Variants in CHSY3 observed in about 807,000 individuals in gnomAD.
CHSY3 encodes N-acetylgalactosaminyl-proteoglycan 3-beta-glucuronosyltransferase 3.
Under a neutral mutation model 67.2 loss-of-function variants are expected in CHSY3, and 35 were observed. That is an observed-to-expected ratio of 0.52 (90% CI 0.40 to 0.69). CHSY3 has a LOEUF of 0.69. CHSY3 is among the 30% of genes least tolerant of loss of function. The pLI is 0.00. For synonymous variants in CHSY3, 474 were observed against 434.7 expected (o/e 1.09, Z -1.12); for missense variants, 1,069 against 1,138.5 (o/e 0.94, Z 0.88).
At chr5:130,018,769 T>A (rs1448873597) in intron 2 of CHSY3, among the ~76,000 whole-genome samples, 1 of 152,186 alleles carries the variant, frequency 6.6e-6, no homozygotes, top group Non-Finnish European at 1.5e-5. Flanking sequence ...AGATGTTGCC[T>A]GGTGGGAGGT....
intron 2 of CHSY3, among the ~76,000 whole-genome samples, chr5:130,127,112 T>A (rs1768318566): frequency 6.6e-6 from 1 of 152,202 alleles, no homozygotes; most frequent in Admixed American, 6.5e-5. Context: ...ACAGCAGCTT[T>A]GTTTTCCAAG....
At chr5:130,003,426 T>A (rs1051409949) in intron 2 of CHSY3, among the ~76,000 whole-genome samples, 10 of 152,296 alleles carry the variant, frequency 6.6e-5, no homozygotes, top group Admixed American at 5.9e-4. Flanking sequence ...GGTGAACTAA[T>A]TTGAAAATAA....
At chr5:130,128,147 AT>A (rs1768354377) in intron 2 of CHSY3, among the ~76,000 whole-genome samples, 1 of 152,068 alleles carries the variant, frequency 6.6e-6, no homozygotes, top group Admixed American at 6.6e-5. Flanking sequence ...AAAAACAAAT[AT>A]ATCTCCTTCA....
intron 2 of CHSY3, among the ~76,000 whole-genome samples, chr5:129,937,256 C>T (rs1260956718): frequency 6.6e-6 from 1 of 152,152 alleles, no homozygotes; most frequent in Non-Finnish European, 1.5e-5. Context: ...GAAGGGGAAG[C>T]AGGCACATCT....
chr5:129,911,237 G>A lies in CHSY3; in HGVS notation c.1086+2877G>A, dbSNP rs78455213. Among the ~76,000 whole-genome samples the A allele has an allele frequency of 7.2e-5, 11 of 151,960 alleles. No homozygotes were observed. In the East Asian group the frequency reaches 1.7e-3, roughly 24 times the overall value. On this transcript the variant is annotated intron_variant, in intron 2 of 2. Transcript: ENST00000305031. ...TAAAAATCCAGGATTGAAGCTTCTA[G>A]TATTCTTCTTAACTGCTAAACTGAA...
At chr5:130,131,966 T>C (rs1768497444) in intron 2 of CHSY3, among the ~76,000 whole-genome samples, 1 of 150,896 alleles carries the variant, frequency 6.6e-6, no homozygotes, top group Non-Finnish European at 1.5e-5. Context: ...TAAACTGTGA[T>C]TCCCTACTCT....
chr5:130,072,941 G>A (rs1766131394), intron 2 of CHSY3, among the ~76,000 whole-genome samples: 1 of 152,110 alleles, frequency 6.6e-6, no homozygotes, highest in African/African-American at 2.4e-5. Context: ...ATCTGAAAAT[G>A]TCAGTCTCCC....
chr5:129,908,510 T>C lies in CHSY3; in HGVS notation c.1086+150T>C, dbSNP rs1760407393. ...CCTTAAGGGATACAAGAGTGGGAGA[T>C]AACTTTCTCATTAGGTGTCAGGCCT... is the stretch of plus-strand genomic sequence containing the variant. On this transcript the variant is annotated intron_variant, in intron 2 of 2. Transcript: ENST00000305031. 7 of 1,274,586 alleles carry C rather than the reference T, an allele frequency of 5.5e-6. No individual in the cohort carries two copies. In the South Asian group the frequency reaches 9.5e-5, roughly 17 times the overall value. The allele number at this position is 1,274,586 out of a possible 1,614,324, so 79.0% of individuals were successfully genotyped here. A position where few individuals can be genotyped will look rare whatever the true frequency, so the allele number is the denominator to read the frequency against.
At chr5:130,045,069 G>A (rs936463757) in intron 2 of CHSY3, among the ~76,000 whole-genome samples, 1 of 152,052 alleles carries the variant, frequency 6.6e-6, no homozygotes, top group African/African-American at 2.4e-5. Flanking sequence ...GGCTTAAGTA[G>A]CAGCCTGGCC....
chr5:129,955,016 A>C (rs888216971), intron 2 of CHSY3, among the ~76,000 whole-genome samples: 1 of 151,950 alleles, frequency 6.6e-6, no homozygotes, highest in Non-Finnish European at 1.5e-5. Flanking sequence ...CTATAGGCGC[A>C]TGCCACAATA....
chr5:130,160,339 C>G (rs1236750503), intron 2 of CHSY3, among the ~76,000 whole-genome samples: 1 of 152,162 alleles, frequency 6.6e-6, no homozygotes, highest in Non-Finnish European at 1.5e-5. Flanking sequence ...TCCTGCTTTC[C>G]TCCTTGCCCA....
At chr5:130,026,135 T>C (rs1401518072) in intron 2 of CHSY3, among the ~76,000 whole-genome samples, 1 of 152,172 alleles carries the variant, frequency 6.6e-6, no homozygotes, top group Non-Finnish European at 1.5e-5. Flanking sequence ...TGTTTGTATA[T>C]ATTTTTTCTG....
At chr5:130,088,965 A>T (rs982681064) in intron 2 of CHSY3, among the ~76,000 whole-genome samples, 13 of 152,068 alleles carry the variant, frequency 8.5e-5, no homozygotes, top group Admixed American at 7.9e-4. Context: ...AAGACTTGGA[A>T]CCAAGCCAAA....
At chr5:130,064,542 A>C (rs994891175) in intron 2 of CHSY3, among the ~76,000 whole-genome samples, 1 of 152,194 alleles carries the variant, frequency 6.6e-6, no homozygotes, top group African/African-American at 2.4e-5. Flanking sequence ...GCATGTTAAG[A>C]ATTTCAAAAA....
chr5:130,071,342 A>T (rs1057105986), intron 2 of CHSY3, among the ~76,000 whole-genome samples: 5 of 152,112 alleles, frequency 3.3e-5, no homozygotes, highest in Admixed American at 2.0e-4. Context: ...AAGGTTTCAC[A>T]TGCAAAATAA....
intron 2 of CHSY3, among the ~76,000 whole-genome samples, chr5:130,003,499 C>T (rs1019097343): frequency 2.0e-5 from 3 of 152,044 alleles, no homozygotes; most frequent in South Asian, 2.1e-4. Flanking sequence ...AGTGAAAGGC[C>T]GTGCTGTGTT....
chr5:130,141,569 G>A, intron 2 of CHSY3: 2 of 437,006 alleles, frequency 4.6e-6, no homozygotes, highest in Non-Finnish European at 8.9e-6. Context: ...GACATTGAAT[G>A]TATGGTCCAG....
intron 2 of CHSY3, among the ~76,000 whole-genome samples, chr5:129,950,112 G>A (rs2149600488): frequency 6.7e-6 from 1 of 149,540 alleles, no homozygotes; most frequent in East Asian, 2.0e-4. Flanking sequence ...AGGTTGCAGT[G>A]AGCTGAGATT....
At chr5:130,008,880 A>C (rs977604277) in intron 2 of CHSY3, among the ~76,000 whole-genome samples, 3 of 152,232 alleles carry the variant, frequency 2.0e-5, no homozygotes, top group Non-Finnish European at 4.4e-5. Context: ...CTTGAAGATT[A>C]ATTCTGTGAA....
Sources: gnomAD v4.1 joint callset for allele counts (sites outside exome capture counted in the v4.1 genomes callset) on GRCh38, gnomAD v4.1.1 for gene constraint, MANE v1.5 for transcripts, NCBI Gene and HGNC (gene_info 2026-07-23, HGNC 2026-07-21) for gene names.